The following STXBP6 variants were observed in gnomAD, a reference collection of about 807,000 sequenced individuals.
The protein encoded by STXBP6 is syntaxin binding protein 6.
A neutral mutation model predicts 26.9 loss-of-function variants in STXBP6; 21 were observed. The observed-to-expected ratio is 0.78, with a 90% CI of 0.55 to 1.12. STXBP6 has a LOEUF of 1.12. Ranked by LOEUF, STXBP6 falls within the 50% of genes most tolerant of loss-of-function variation. The pLI, the probability that STXBP6 is intolerant of heterozygous loss-of-function variation, is 0.00. For missense variants in STXBP6, 232 were observed against 257.9 expected (o/e 0.90, Z 0.69); for synonymous variants, 97 against 92.6 (o/e 1.05, Z -0.27).
chr14:25,038,969 A>G (rs1258132397), intron 1 of STXBP6, among the ~76,000 whole-genome samples: 1 of 152,218 alleles, frequency 6.6e-6, no homozygotes, highest in African/African-American at 2.4e-5. Flanking sequence ...TATAGTTGAC[A>G]TAGTGTATTC....
At chr14:25,024,933 T>C (rs2075322255) in intron 1 of STXBP6, among the ~76,000 whole-genome samples, 1 of 152,194 alleles carries the variant, frequency 6.6e-6, no homozygotes, top group Non-Finnish European at 1.5e-5. Flanking sequence ...TGATTTTTTT[T>C]GTTGTTGTTT....
chr14:24,935,221 C>T (rs1417518623), intron 2 of STXBP6, among the ~76,000 whole-genome samples: 1 of 152,094 alleles, frequency 6.6e-6, no homozygotes, highest in Non-Finnish European at 1.5e-5. Context: ...AACAATAAGC[C>T]ACAGTTAATC....
chr14:24,838,694 G>A (rs2068697571), intron 4 of STXBP6, among the ~76,000 whole-genome samples: 1 of 150,298 alleles, frequency 6.7e-6, no homozygotes. Context: ...AAAAAAAAAA[G>A]AGAAAAAAGA....
intron 4 of STXBP6, among the ~76,000 whole-genome samples, chr14:24,843,035 TG>T (rs1434841350): frequency 5.3e-5 from 8 of 152,144 alleles, no homozygotes; most frequent in Non-Finnish European, 1.0e-4. Context: ...CTCTCTCTAA[TG>T]GGGCAGGGGG....
intron 1 of STXBP6, among the ~76,000 whole-genome samples, chr14:25,030,611 G>A (rs1048189025): frequency 6.6e-6 from 1 of 152,136 alleles, no homozygotes; most frequent in Non-Finnish European, 1.5e-5. Flanking sequence ...AGATTTTAAA[G>A]GCAAATTGGT....
At chr14:25,041,250 AG>A (rs2075637348) in intron 1 of STXBP6, among the ~76,000 whole-genome samples, 2 of 152,286 alleles carry the variant, frequency 1.3e-5, no homozygotes, top group South Asian at 4.1e-4. Context: ...TGACCCCAGG[AG>A]GCAGAGTGAG....
chr14:25,037,743 GT>G (rs1256508665), intron 1 of STXBP6, among the ~76,000 whole-genome samples: 4 of 152,194 alleles, frequency 2.6e-5, no homozygotes, highest in East Asian at 3.9e-4. Flanking sequence ...TCCAAAAAAT[GT>G]TTTCAGCAAT....
intron 4 of STXBP6, among the ~76,000 whole-genome samples, chr14:24,824,377 A>T (rs956985961): frequency 6.6e-6 from 1 of 152,160 alleles, no homozygotes; most frequent in African/African-American, 2.4e-5. Context: ...TAGTACTGTG[A>T]CTGTCACTAA....
rs140958646 is a variant in STXBP6, at chr14:24,839,157, CTGTTCTGA to C, written c.451+16771_451+16778del. ...TTGTCTGTCCCCGCCTGCCCTCCTT[CTGTTCTGA>C]TCTCTAATTTTAGACATATCTGTGT... On this transcript the variant is annotated intron_variant, in intron 4 of 5. Coordinates refer to ENST00000323944, the MANE Select transcript of STXBP6 (RefSeq NM_001394410.1). Among the ~76,000 whole-genome samples the C allele has an allele frequency of 5.6e-3, 848 of 152,270 alleles. 11 individuals carry two copies. Among genetic ancestry groups the C allele is most frequent in the African/African-American group, 0.02 (818 of 41,548 alleles).
chr14:24,937,862 G>A (rs1239927282), intron 2 of STXBP6, among the ~76,000 whole-genome samples: 2 of 152,194 alleles, frequency 1.3e-5, no homozygotes, highest in Non-Finnish European at 2.9e-5. Context: ...GTACATTCAG[G>A]TTTTCAGATA....
At chr14:24,822,403 C>T (rs2037269895) in intron 4 of STXBP6, among the ~76,000 whole-genome samples, 1 of 152,146 alleles carries the variant, frequency 6.6e-6, no homozygotes, top group Non-Finnish European at 1.5e-5. Context: ...AATAAAATTG[C>T]TGGTTCAAAG....
intron 2 of STXBP6, among the ~76,000 whole-genome samples, chr14:24,872,381 G>T (rs558992548): frequency 2.0e-4 from 31 of 152,288 alleles, no homozygotes; most frequent in Admixed American, 1.4e-3. Context: ...TCTTTTCTCA[G>T]CTGCTGTGAC....
intron 2 of STXBP6, among the ~76,000 whole-genome samples, chr14:24,933,184 T>C (rs922780758): frequency 6.6e-6 from 1 of 151,952 alleles, no homozygotes. Flanking sequence ...CTATAAAAAA[T>C]ACAAAAAATT....
intron 2 of STXBP6, among the ~76,000 whole-genome samples, chr14:24,974,088 CA>C (rs1427921639): frequency 6.7e-6 from 1 of 150,246 alleles, no homozygotes; most frequent in African/African-American, 2.5e-5. Flanking sequence ...CCTACAATCA[CA>C]AACAGAAAGA....
At chr14:24,962,292 TTTA>T (rs1248692913) in intron 2 of STXBP6, among the ~76,000 whole-genome samples, 89 of 4,944 alleles carry the variant, frequency 0.018, 1 homozygote, top group Admixed American at 0.024. Flanking sequence ...AGATATTTTA[TTTA>T]TTTATTTATT....
At chr14:24,857,708 G>T (rs779653121) in intron 2 of STXBP6, among the ~76,000 whole-genome samples, 1 of 151,822 alleles carries the variant, frequency 6.6e-6, no homozygotes, top group African/African-American at 2.4e-5. Context: ...ATATTGTTCA[G>T]TTTGTATCTA....
chr14:24,863,889 T>C (rs1159139233), intron 2 of STXBP6, among the ~76,000 whole-genome samples: 1 of 152,182 alleles, frequency 6.6e-6, no homozygotes, highest in African/African-American at 2.4e-5. Flanking sequence ...AACTAATAGT[T>C]ATATTTTATA....
intron 2 of STXBP6, among the ~76,000 whole-genome samples, chr14:24,940,456 T>C (rs2072761296): frequency 6.6e-6 from 1 of 152,204 alleles, no homozygotes; most frequent in Admixed American, 6.5e-5. Flanking sequence ...GATTAAGATG[T>C]GTTCATTTTC....
At chr14:24,989,051 T>C (rs1343715481) in intron 1 of STXBP6, among the ~76,000 whole-genome samples, 3 of 152,146 alleles carry the variant, frequency 2.0e-5, no homozygotes, top group African/African-American at 7.2e-5. Flanking sequence ...TAAAAATATA[T>C]ACTTCATGTA....
Sources: gnomAD v4.1 joint callset for allele counts (sites outside exome capture counted in the v4.1 genomes callset) on GRCh38, gnomAD v4.1.1 for gene constraint, MANE v1.5 for transcripts, NCBI Gene and HGNC (gene_info 2026-07-23, HGNC 2026-07-21) for gene names.